The following KIAA1328 variants were observed in gnomAD, a reference collection of about 807,000 sequenced individuals.
KIAA1328 encodes KIAA1328.
KIAA1328 carries 52 observed loss-of-function variants against 68.1 expected under a neutral mutation model. The ratio of observed to expected loss-of-function variants is 0.76; its 90% CI spans 0.61 to 0.96. The LOEUF is 0.96. Ranked by LOEUF, KIAA1328 falls within the 40% of genes least tolerant of loss-of-function variation. The pLI, the probability that KIAA1328 is intolerant of heterozygous loss-of-function variation, is 0.00. For synonymous variants in KIAA1328, 232 were observed against 239.4 expected (o/e 0.97, Z 0.28); for missense variants, 641 against 677.6 (o/e 0.95, Z 0.60).
At chr18:36,839,437 C>T (rs776651440) in intron 3 of KIAA1328, among the ~76,000 whole-genome samples, 28 of 152,102 alleles carry the variant, frequency 1.8e-4, no homozygotes, top group Admixed American at 1.3e-4. Context: ...TCTTCCATGT[C>T]GCTACTTGAC....
At chr18:37,082,875 A>G (rs2056993313) in intron 7 of KIAA1328, among the ~76,000 whole-genome samples, 1 of 152,214 alleles carries the variant, frequency 6.6e-6, no homozygotes. Flanking sequence ...ATGAATAAAA[A>G]TCAAGGCTAA....
chr18:36,845,770 A>G (rs1194935755), intron 4 of KIAA1328, among the ~76,000 whole-genome samples: 1 of 151,732 alleles, frequency 6.6e-6, no homozygotes, highest in Non-Finnish European at 1.5e-5. Context: ...CTAGAAATAA[A>G]CCATGCATGT....
chr18:37,186,234 T>TCTG, intron 9 of KIAA1328, among the ~76,000 whole-genome samples: 1 of 150,880 alleles, frequency 6.6e-6, no homozygotes, highest in Non-Finnish European at 1.5e-5. Flanking sequence ...GTAGCTGGGA[T>TCTG]TACAGACTTG....
At chr18:37,141,422 A>G (rs2058762051) in intron 7 of KIAA1328, among the ~76,000 whole-genome samples, 2 of 152,226 alleles carry the variant, frequency 1.3e-5, no homozygotes, top group South Asian at 4.1e-4. Context: ...GTGTTTCAGT[A>G]TTCCATTACT....
intron 5 of KIAA1328, among the ~76,000 whole-genome samples, chr18:36,922,389 C>G (rs1024651267): frequency 6.6e-6 from 1 of 152,132 alleles, no homozygotes; most frequent in Non-Finnish European, 1.5e-5. Context: ...TGTTCTGGCT[C>G]TTTAACTGAA....
intron 4 of KIAA1328, among the ~76,000 whole-genome samples, chr18:36,855,232 A>G (rs2047344435): frequency 6.6e-6 from 1 of 152,166 alleles, no homozygotes; most frequent in Admixed American, 6.5e-5. Flanking sequence ...GAGCTGTGAA[A>G]ATGTTTTCTG....
chr18:36,876,009 A>G (rs1431804201), intron 4 of KIAA1328, among the ~76,000 whole-genome samples: 2 of 152,072 alleles, frequency 1.3e-5, no homozygotes, highest in African/African-American at 4.8e-5. Flanking sequence ...CATCCCAGGG[A>G]TGAAGCTGAC....
intron 9 of KIAA1328, among the ~76,000 whole-genome samples, chr18:37,200,883 C>T (rs977609115): frequency 2.6e-5 from 4 of 151,808 alleles, no homozygotes; most frequent in Non-Finnish European, 5.9e-5. Flanking sequence ...CTTTCCCTCT[C>T]CCTCCCCCAA....
chr18:37,072,766 C>G (rs2056581109), intron 7 of KIAA1328, among the ~76,000 whole-genome samples: 1 of 152,102 alleles, frequency 6.6e-6, no homozygotes, highest in African/African-American at 2.4e-5. Flanking sequence ...AGTTCCTTCC[C>G]CTTGCCCCTG....
chr18:37,211,912 T>C (rs2060324006), intron 9 of KIAA1328, among the ~76,000 whole-genome samples: 1 of 152,224 alleles, frequency 6.6e-6, no homozygotes, highest in South Asian at 2.1e-4. Flanking sequence ...ATATTTACTG[T>C]TTCCCAATTA....
chr18:37,096,741 T>C (rs925395110), intron 7 of KIAA1328, among the ~76,000 whole-genome samples: 2 of 152,208 alleles, frequency 1.3e-5, no homozygotes, highest in Non-Finnish European at 2.9e-5. Context: ...ACCTGTTGTT[T>C]CCTGACTTTT....
chr18:37,027,079 C>T, intron 6 of KIAA1328, among the ~76,000 whole-genome samples: 1 of 121,986 alleles, frequency 8.2e-6, no homozygotes, highest in Non-Finnish European at 2.0e-5. Context: ...ACACCAATAA[C>T]AAACAGAGAG....
chr18:37,210,977 G>A (rs2060305338), intron 9 of KIAA1328, among the ~76,000 whole-genome samples: 1 of 152,152 alleles, frequency 6.6e-6, no homozygotes, highest in African/African-American at 2.4e-5. Context: ...TTCTGCCACA[G>A]TCTAATCTAT....
At chr18:36,944,891 G>A (rs926259140) in intron 5 of KIAA1328, among the ~76,000 whole-genome samples, 3 of 152,056 alleles carry the variant, frequency 2.0e-5, no homozygotes, top group Admixed American at 1.3e-4. Flanking sequence ...AAACATATAG[G>A]GCCAAAAAGT....
At position 37,200,009 on chromosome 18, in the gene KIAA1328, G is replaced by A. The variant is rs143742224; in HGVS notation, c.1524-22008G>A. On this transcript the variant is annotated intron_variant, in intron 9 of 9. Coordinates refer to ENST00000280020, the MANE Select transcript of KIAA1328 (RefSeq NM_020776.3). ...AGATAAGGTATAAGTTGGATGAAGC[G>A]TTGAGAAGAAAGTATGTCCCAGTGG... Among the ~76,000 whole-genome samples the A allele has an allele frequency of 4.5e-4, 68 of 152,348 alleles. No homozygotes were observed. The East Asian group carries it at 0.01, about 23-fold the overall frequency.
In KIAA1328 at chr18:37,109,159, G is replaced by A. The variant is rs373056660; in HGVS notation, c.1232+41614G>A. On this transcript the variant is annotated intron_variant, in intron 7 of 9. Coordinates refer to ENST00000280020, the MANE Select transcript of KIAA1328 (RefSeq NM_020776.3). ...TTCCATGGTGTATATGTGCCACATT[G>A]TCTTAATCCAGTCTATCACTGATGG... Among the ~76,000 whole-genome samples the A allele has an allele frequency of 9.2e-5, 14 of 152,196 alleles. No homozygotes were observed. In the East Asian group the frequency reaches 2.5e-3, roughly 27 times the overall value.
intron 6 of KIAA1328, among the ~76,000 whole-genome samples, chr18:36,975,647 T>G (rs2052441722): frequency 6.6e-6 from 1 of 152,196 alleles, no homozygotes; most frequent in African/African-American, 2.4e-5. Context: ...AGTTAAGTCT[T>G]CTCATAAGTT....
chr18:37,219,136 C>T (rs1025579894), intron 9 of KIAA1328, among the ~76,000 whole-genome samples: 4 of 152,184 alleles, frequency 2.6e-5, no homozygotes, highest in Non-Finnish European at 5.9e-5. Context: ...TGGGTGTCAC[C>T]AGCAGATGGC....
chr18:36,954,425 T>C (rs2051314618), intron 5 of KIAA1328: 1 of 152,206 alleles, frequency 6.6e-6, no homozygotes, highest in Admixed American at 6.5e-5. Flanking sequence ...TTTTTCTATT[T>C]ATTAGAGATC....
Sources: allele counts gnomAD v4.1 joint callset (sites outside exome capture counted in the v4.1 genomes callset), GRCh38; gene constraint gnomAD v4.1.1; transcripts MANE v1.5; gene names NCBI Gene and HGNC (gene_info 2026-07-23, HGNC 2026-07-21).